Variants in NKTR observed in about 807,000 individuals in gnomAD.
The protein encoded by NKTR is NK-tumor recognition protein.
NKTR carries 67 observed loss-of-function variants against 156.3 expected under a neutral mutation model. The observed-to-expected ratio is 0.43, with a 90% CI of 0.35 to 0.53. The LOEUF (loss-of-function observed/expected upper bound fraction) is 0.53. Ranked by LOEUF, NKTR falls within the 20% of genes least tolerant of loss-of-function variation. The pLI is 0.01. For missense variants in NKTR, 1,604 were observed against 1,730.9 expected (o/e 0.93, Z 1.30); for synonymous variants, 640 against 596.6 (o/e 1.07, Z -1.06).
In NKTR at chr3:42,639,140, T is replaced by C. The variant is rs760821138; in HGVS notation, c.3436T>C (p.Ser1146Pro). ...TTCCCCAGCAAAAGTAGAGGAGACT[T>C]CCCCTCTAGGAAATGCACGGCTTGA... ...RSSPAKVEET[S>P]PLGNARLDTP... The change falls in exon 13 of 17, where the codon TCC becomes CCC. Residue 1146 changes from serine to proline, a missense_variant. Physicochemically the swap from Ser to Pro is moderately conservative, Grantham distance 74. Transcript: ENST00000232978. 2 of 1,614,040 alleles carry C rather than the reference T, an allele frequency of 1.2e-6. No individual in the cohort carries two copies. Among genetic ancestry groups the C allele is most frequent in the South Asian group, 2.2e-5 (2 of 91,070 alleles).
chr3:42,628,685 A>G (rs1708615379), intron 6 of NKTR: 1 of 985,324 alleles, frequency 1.0e-6, no homozygotes, highest in Non-Finnish European at 1.2e-6. Flanking sequence ...GATCCCTTAC[A>G]CTGTAGAAAA....
At chr3:42,606,148 CAAT>C (rs779437003) in intron 2 of NKTR, among the ~76,000 whole-genome samples, 2 of 152,036 alleles carry the variant, frequency 1.3e-5, no homozygotes, top group East Asian at 1.9e-4. Flanking sequence ...AGGGTTTCCT[CAAT>C]GATGTTTAGA....
At chr3:42,630,791 C>T in intron 7 of NKTR, 2 of 1,364,908 alleles carry the variant, frequency 1.5e-6, no homozygotes, top group Non-Finnish European at 1.9e-6. Context: ...ATGGGCTTCT[C>T]AGCAATATAA....
chr3:42,623,100 A>G (rs2125789215), intron 6 of NKTR, among the ~76,000 whole-genome samples: 1 of 151,756 alleles, frequency 6.6e-6, no homozygotes, highest in East Asian at 1.9e-4. Flanking sequence ...CTTCAAAAAC[A>G]TCTTATTTTT....
chr3:42,630,997 T>G, intron 7 of NKTR, 174 bp from the exon 8 acceptor site: 1 of 1,419,998 alleles, frequency 7.0e-7, no homozygotes, highest in Non-Finnish European at 9.2e-7. Flanking sequence ...CATAATCGTT[T>G]CCTTTTATGA....
At chr3:42,606,506 A>G (rs567336551) in intron 2 of NKTR, among the ~76,000 whole-genome samples, 1 of 152,224 alleles carries the variant, frequency 6.6e-6, no homozygotes, top group East Asian at 1.9e-4. Context: ...TTTTGTTCCC[A>G]GAGATTGTAT....
chr3:42,629,405 C>T (rs911120669), intron 6 of NKTR: 5 of 927,128 alleles, frequency 5.4e-6, no homozygotes, highest in African/African-American at 5.4e-5. Flanking sequence ...CTTACAGAAC[C>T]GAATATTCTT....
At chr3:42,625,582 G>T (rs781706751) in intron 6 of NKTR, among the ~76,000 whole-genome samples, 8 of 152,118 alleles carry the variant, frequency 5.3e-5, no homozygotes, top group Non-Finnish European at 1.2e-4. Context: ...AAGCTGTGTT[G>T]ATGTTTTGGG....
At chr3:42,629,141 C>T (rs1708669721) in intron 6 of NKTR, 1 of 978,666 alleles carries the variant, frequency 1.0e-6, no homozygotes. Flanking sequence ...CTTGAAGTTA[C>T]CATCCAAGGT....
At chr3:42,613,359 A>T (rs1417658199) in intron 2 of NKTR, among the ~76,000 whole-genome samples, 1 of 152,188 alleles carries the variant, frequency 6.6e-6, no homozygotes, top group African/African-American at 2.4e-5. Flanking sequence ...GCCCGATGTT[A>T]TGCTGCTCCT....
At chr3:42,603,320 A>G (rs1705775514) in intron 2 of NKTR, among the ~76,000 whole-genome samples, 1 of 149,150 alleles carries the variant, frequency 6.7e-6, no homozygotes, top group South Asian at 2.1e-4. Flanking sequence ...TGATTGCACC[A>G]CTGCACTCCA....
chr3:42,628,052 A>G, intron 6 of NKTR: 3 of 985,416 alleles, frequency 3.0e-6, no homozygotes, highest in Non-Finnish European at 3.6e-6. Flanking sequence ...AAGTGCCAGT[A>G]ACCCTGCTTT....
chr3:42,616,450 A>G (rs1707377622), intron 2 of NKTR, among the ~76,000 whole-genome samples: 1 of 152,198 alleles, frequency 6.6e-6, no homozygotes, highest in Non-Finnish European at 1.5e-5. Context: ...CAGGTTTTCC[A>G]GAGATCATAT....
Position 42,639,769 on chromosome 3 carries a change from CCTTT to C in NKTR, c.4046+23_4046+26del, listed in dbSNP as rs753539350. 4.2e-5 allele frequency: 64 copies of C among 1,513,500 alleles called. No homozygotes were observed. In the African/African-American group the frequency reaches 7.3e-4, roughly 17 times the overall value. The allele number at this position is 1,513,500 out of a possible 1,614,324, so 93.8% of individuals were successfully genotyped here. ...CTTATCGGTGAGCAATATTCTCTTT[CCTTT>C]CTTCTCCCAAGGAGAGTCTGTTATT... is the stretch of plus-strand genomic sequence containing the variant. On this transcript the variant is annotated intron_variant, in intron 13 of 16. Transcript: ENST00000232978.
intron 2 of NKTR, among the ~76,000 whole-genome samples, chr3:42,609,670 TTGAGTCTTGTC>T (rs1462916937): frequency 6.6e-6 from 1 of 152,220 alleles, no homozygotes; most frequent in Admixed American, 6.5e-5. Flanking sequence ...ATTTGCAATT[TTGAGTCTTGTC>T]TAAGAACAAG....
intron 6 of NKTR, among the ~76,000 whole-genome samples, chr3:42,624,317 T>C (rs1280762708): frequency 1.3e-5 from 2 of 152,060 alleles, no homozygotes; most frequent in Admixed American, 1.3e-4. Flanking sequence ...AGAAGTGATA[T>C]ATGGCACTAT....
intron 6 of NKTR, chr3:42,630,018 G>T: frequency 1.0e-6 from 1 of 985,424 alleles, no homozygotes; most frequent in African/African-American, 1.7e-5. Flanking sequence ...CAGGAATTCT[G>T]GAAACAGAAC....
intron 10 of NKTR, 109 bp from the exon 11 acceptor site, chr3:42,634,504 A>G (rs967184156): frequency 1.8e-6 from 1 of 557,608 alleles, no homozygotes; most frequent in Non-Finnish European, 3.2e-6. Context: ...AAGCTATTGC[A>G]AAATGGCATG....
intron 10 of NKTR, 52 bp downstream of exon 10, chr3:42,633,787 C>G: frequency 6.2e-7 from 1 of 1,602,616 alleles, no homozygotes; most frequent in Admixed American, 1.7e-5. Context: ...AACACTGTTC[C>G]GTCAGCTCAT....
Sources: gnomAD v4.1 joint callset for allele counts (sites outside exome capture counted in the v4.1 genomes callset) on GRCh38, gnomAD v4.1.1 for gene constraint, MANE v1.5 for transcripts, NCBI Gene and HGNC (gene_info 2026-07-23, HGNC 2026-07-21) for gene names.